Variants in SASS6 observed in about 807,000 individuals in gnomAD.
The protein encoded by SASS6 is spindle assembly abnormal protein 6 homolog.
A neutral mutation model predicts 94.9 loss-of-function variants in SASS6; 59 were observed. The ratio of observed to expected loss-of-function variants is 0.62; its 90% confidence interval spans 0.50 to 0.77. The LOEUF (loss-of-function observed/expected upper bound fraction) is 0.77. Among genes scored for constraint, SASS6 ranks in the 30% least tolerant of loss-of-function variants. The pLI, the probability that SASS6 is intolerant of heterozygous loss-of-function variation, is 0.00. For synonymous variants in SASS6, 264 were observed against 270.0 expected (o/e 0.98, Z 0.22); for missense variants, 698 against 734.1 (o/e 0.95, Z 0.57).
Position 100,107,623 on chromosome 1 carries a change from C to T in SASS6, c.1146+5G>A, listed in dbSNP as rs770752963. ...ATACTAGTCTATAAAATTTTTAAAA[C>T]AAACCTTCAGAAGTTCTGCAGATAA... On this transcript the variant is annotated splice_donor_5th_base_variant and intron_variant, in intron 10 of 16. Coordinates refer to ENST00000287482, the MANE Select transcript of SASS6 (RefSeq NM_194292.3). The T allele has an allele frequency of 1.3e-6, 2 of 1,585,646 alleles. No homozygotes were observed. The highest frequency in any genetic ancestry group is 4.5e-5 in the East Asian group (2 of 44,524).
In SASS6 at chr1:100,132,773, C is replaced by A. The variant is rs1655180588; in HGVS notation, c.42G>T (p.Val14=). The A allele has an allele frequency of 1.2e-6, 2 of 1,614,104 alleles. No individual in the cohort carries two copies. Among genetic ancestry groups the A allele is most frequent in the Middle Eastern group, 1.6e-4 (1 of 6,062 alleles). ...ACCTCTCCTCACAGTCTTTGCATTT[C>A]ACCTGCAACGGGACTAGTTGGTGGA... is the stretch of plus-strand genomic sequence containing the variant. ...VLFHQLVPLQ[V]KCKDCEERRV... Residue 14 remains valine (V), a synonymous_variant, in exon 1 of 17, where the codon GTG becomes GTT. Coordinates refer to ENST00000287482, the MANE Select transcript of SASS6 (RefSeq NM_194292.3).
intron 4 of SASS6, 136 bp downstream of exon 4, chr1:100,122,244 T>C (rs1435451173): frequency 6.8e-6 from 3 of 443,066 alleles, no homozygotes; most frequent in Non-Finnish European, 8.0e-6. Context: ...TGAGATTTAA[T>C]GGAGGCCTAA....
chr1:100,124,723 C>T (rs936284088), intron 2 of SASS6, among the ~76,000 whole-genome samples: 1 of 152,136 alleles, frequency 6.6e-6, no homozygotes, highest in African/African-American at 2.4e-5. Flanking sequence ...TGGCCCCCAA[C>T]CTTTTTGGCA....
rs1296314486 is a variant in SASS6 at position 100,085,635 on chromosome 1, A to T, written c.1773-5T>A. The T allele has an allele frequency of 6.4e-7, 1 of 1,551,638 alleles. No individual in the cohort carries two copies. The highest frequency in any genetic ancestry group is 8.9e-7 in the Non-Finnish European group (1 of 1,126,128). On this transcript the variant is annotated splice_region_variant and splice_polypyrimidine_tract_variant and intron_variant, in intron 15 of 16. Coordinates refer to ENST00000287482, the MANE Select transcript of SASS6 (RefSeq NM_194292.3). ...TCCAACCCTACATTTTCACCACTTA[A>T]AAAGAAAATGGTAATAACTTATTTA...
chr1:100,097,765 G>A (rs1319002255), intron 14 of SASS6, among the ~76,000 whole-genome samples: 1 of 152,138 alleles, frequency 6.6e-6, no homozygotes, highest in Non-Finnish European at 1.5e-5. Context: ...GGGAGGTCGA[G>A]GCTGCAATAA....
chr1:100,113,146 G>A (rs1653483365), intron 7 of SASS6, among the ~76,000 whole-genome samples: 1 of 152,140 alleles, frequency 6.6e-6, no homozygotes, highest in Non-Finnish European at 1.5e-5. Context: ...GGAATAGAGT[G>A]AGGTAGAGAT....
chr1:100,092,492 G>T (rs60498392), intron 14 of SASS6, among the ~76,000 whole-genome samples: 2 of 152,090 alleles, frequency 1.3e-5, no homozygotes, highest in African/African-American at 4.8e-5. Flanking sequence ...CAGGAATGAA[G>T]GAAAAGAACA....
Position 100,085,190 on chromosome 1 carries a change from CAGTACTTAAAGT to C in SASS6, c.*126_*137del. 1 of 638,468 alleles carries C rather than the reference CAGTACTTAAAGT, an allele frequency of 1.6e-6. No homozygotes were observed. Among genetic ancestry groups the C allele is most frequent in the Non-Finnish European group, 2.8e-6 (1 of 353,100 alleles). 39.6% of individuals were successfully genotyped at this position (638,468 alleles called of 1,614,324 possible). ...CCTATATTATAAACTGCCATAAAAG[CAGTACTTAAAGT>C]ATCCAGTCTTTAACAGCTCAAGTAA... On this transcript the variant is annotated 3_prime_UTR_variant, in exon 17 of 17. Coordinates refer to ENST00000287482, the MANE Select transcript of SASS6 (RefSeq NM_194292.3).
intron 6 of SASS6, among the ~76,000 whole-genome samples, chr1:100,119,757 C>T (rs956358870): frequency 6.6e-6 from 1 of 152,194 alleles, no homozygotes; most frequent in African/African-American, 2.4e-5. Context: ...GACACTCCTG[C>T]TCCCCTTTGC....
At chr1:100,113,703 G>A (rs1013258209) in intron 7 of SASS6, among the ~76,000 whole-genome samples, 3 of 150,296 alleles carry the variant, frequency 2.0e-5, no homozygotes, top group Non-Finnish European at 4.4e-5. Context: ...AAACAGTGTA[G>A]AACTAATTAA....
At chr1:100,104,787 A>G (rs1652765240) in intron 13 of SASS6, among the ~76,000 whole-genome samples, 2 of 150,774 alleles carry the variant, frequency 1.3e-5, no homozygotes, top group South Asian at 4.2e-4. Context: ...TCAGGTTAAA[A>G]AAAAAAAAAA....
At position 100,119,067 on chromosome 1, in the gene SASS6, G is replaced by A. The variant is rs1653983758; in HGVS notation, c.620C>T (p.Thr207Ile). Residue 207 changes from threonine (T) to isoleucine (I), a missense_variant, in exon 7 of 17, where the codon ACA (threonine) becomes ATA (isoleucine). Transcript: ENST00000287482. ...NEWASHTAAL[T>I]NKHSQELTNE... ...TGTCAGTTCCTGAGAATGCTTGTTTGTCAAGGCTGCTGTATGTGACGCCCA... is the reference window on the plus strand; with the variant it reads ...TGTCAGTTCCTGAGAATGCTTGTTTATCAAGGCTGCTGTATGTGACGCCCA... 6.3e-7 allele frequency: 1 copy of A among 1,590,984 alleles called. No individual in the cohort carries two copies. The highest frequency in any genetic ancestry group is 8.6e-7 in the Non-Finnish European group (1 of 1,165,062).
Position 100,121,529 on chromosome 1 carries a change from G to T in SASS6, c.332C>A (p.Ser111Tyr), listed in dbSNP as rs931005886. The change falls in exon 5 of 17, where the codon TCT becomes TAT. Residue 111 changes from serine (S) to tyrosine (Y), a missense_variant. Physicochemically the swap from Ser to Tyr is moderately radical, Grantham distance 144. Coordinates refer to ENST00000287482, the MANE Select transcript of SASS6 (RefSeq NM_194292.3). ...TGAGTTATCCAAAATAGCTGCTGGAGAAACTAACTGTAGCAAAAACCTTTG... is the reference window on the plus strand; with the variant it reads ...TGAGTTATCCAAAATAGCTGCTGGATAAACTAACTGTAGCAAAAACCTTTG... ...EIPRFLLQLV[S>Y]PAAILDNSPA... 3.8e-6 allele frequency: 6 copies of T among 1,588,628 alleles called. No homozygotes were observed. The African/African-American group carries it at 8.1e-5, about 21-fold the overall frequency.
intron 15 of SASS6, among the ~76,000 whole-genome samples, chr1:100,087,565 C>T (rs1651399549): frequency 2.0e-5 from 3 of 152,266 alleles, no homozygotes; most frequent in South Asian, 2.1e-4. Flanking sequence ...AATCAACAGA[C>T]TTCACTATGT....
In SASS6 at chr1:100,120,460, C is replaced by T. The variant is rs1173796033; in HGVS notation, c.484-1G>A. The T allele has an allele frequency of 7.5e-7, 1 of 1,339,594 alleles. No individual in the cohort carries two copies. The highest frequency in any genetic ancestry group is 1.7e-5 in the Admixed American group (1 of 59,302). The allele number at this position is 1,339,594 out of a possible 1,614,324, so 83.0% of individuals were successfully genotyped here. On this transcript the variant is annotated splice_acceptor_variant, in intron 5 of 16. Transcript: ENST00000287482. LOFTEE classifies it high-confidence loss of function. ...ATTGCATCAATGATAATTTTTCTTC[C>T]TATTCATAAAAATAATAAAATTACA...
At chr1:100,090,890 C>G (rs1651628878) in intron 14 of SASS6, among the ~76,000 whole-genome samples, 1 of 152,116 alleles carries the variant, frequency 6.6e-6, no homozygotes, top group African/African-American at 2.4e-5. Flanking sequence ...CTGTACGAAT[C>G]TGACCCTAAT....
rs1226633736 is a variant in SASS6 at position 100,084,546 on chromosome 1, T to C, written c.*782A>G. 1 of 152,082 alleles carries C rather than the reference T, an allele frequency of 6.6e-6. No homozygotes were observed. The highest frequency in any genetic ancestry group is 1.9e-4 in the East Asian group (1 of 5,200). The allele number at this position is 152,082 out of a possible 1,614,324, so 9.4% of individuals were successfully genotyped here. A position where few individuals can be genotyped will look rare whatever the true frequency, so the allele number is the denominator to read the frequency against. On this transcript the variant is annotated 3_prime_UTR_variant, in exon 17 of 17. Coordinates refer to ENST00000287482, the MANE Select transcript of SASS6 (RefSeq NM_194292.3). ...AAATGAATATTCATGATATAGTAGA[T>C]TTAGTAGTAGTACCAAGTTTTAAAA...
intron 1 of SASS6, among the ~76,000 whole-genome samples, chr1:100,130,815 G>GT (rs1654954695): frequency 6.6e-6 from 1 of 152,142 alleles, no homozygotes; most frequent in Non-Finnish European, 1.5e-5. Flanking sequence ...GGGCCATAAG[G>GT]TCTCTGTCAC....
At chr1:100,094,185 G>A (rs989200862) in intron 14 of SASS6, among the ~76,000 whole-genome samples, 1 of 152,200 alleles carries the variant, frequency 6.6e-6, no homozygotes, top group Non-Finnish European at 1.5e-5. Context: ...ACAACTCTTC[G>A]CACATAGCTT....
Sources: gnomAD v4.1 joint callset for allele counts (sites outside exome capture counted in the v4.1 genomes callset) on GRCh38, gnomAD v4.1.1 for gene constraint, MANE v1.5 for transcripts, NCBI Gene and HGNC (gene_info 2026-07-23, HGNC 2026-07-21) for gene names.